Variants in TSHZ3 observed in about 807,000 individuals in gnomAD.
The protein encoded by TSHZ3 is teashirt homolog 3.
Under a neutral mutation model 64.5 loss-of-function variants are expected in TSHZ3, and 10 were observed. That is an observed-to-expected ratio of 0.16 (90% confidence interval 0.10 to 0.26). The LOEUF is 0.26. TSHZ3 is among the 10% of genes least tolerant of loss of function. The pLI, the probability that TSHZ3 is intolerant of heterozygous loss-of-function variation, is 1.00. For missense variants in TSHZ3, 1,242 were observed against 1,421.7 expected, an observed-to-expected ratio of 0.87 and a Z score of 2.03; for synonymous variants, 608 against 593.1, an observed-to-expected ratio of 1.03 and a Z score of -0.36.
chr19:31,243,452 G>A (rs1975722477), intron 1 of TSHZ3, among the ~76,000 whole-genome samples: 1 of 152,198 alleles, frequency 6.6e-6, no homozygotes, highest in Non-Finnish European at 1.5e-5. Context: ...TCACCCCTGT[G>A]TAGTCAGGGT....
In TSHZ3 at chr19:31,315,316, C is replaced by T. The variant is rs1599643594; in HGVS notation, c.40+33864G>A. Among the ~76,000 whole-genome samples the T allele has an allele frequency of 2.0e-5, 3 of 152,354 alleles. No individual in the cohort carries two copies. The East Asian group carries it at 5.8e-4, about 29-fold the overall frequency. On this transcript the variant is annotated intron_variant, in intron 1 of 1. Transcript: ENST00000240587. ...GTATTGACCTCTTATAGAGGAGATT[C>T]CCCCAGCCCCGCCCTGTCCCAAAGC...
intron 1 of TSHZ3, among the ~76,000 whole-genome samples, chr19:31,327,694 G>T (rs866095020): frequency 1.3e-5 from 2 of 152,110 alleles, no homozygotes; most frequent in African/African-American, 2.4e-5. Flanking sequence ...ATGTAACTGA[G>T]CCAGGCAGTA....
At chr19:31,189,108 T>C (rs1974861718) in intron 5 of TSHZ3, among the ~76,000 whole-genome samples, 1 of 151,928 alleles carries the variant, frequency 6.6e-6, no homozygotes, top group African/African-American at 2.4e-5. Flanking sequence ...GATTTATTTC[T>C]AGTGATCATC....
At chr19:31,216,454 CTTT>C (rs758169952) in intron 4 of TSHZ3, among the ~76,000 whole-genome samples, 5 of 137,646 alleles carry the variant, frequency 3.6e-5, no homozygotes, top group Admixed American at 7.3e-5. Flanking sequence ...CAGGAGGCAG[CTTT>C]TTTTTTTTTT....
In TSHZ3 at chr19:31,277,882, C is replaced by A; in HGVS notation, c.1911G>T (p.Pro637=). ...ATGGGGAGGGAGTGGCCCGCTTGGG[C>A]GGGGAAAGCTTCCCATCCGGCTCCT... is the stretch of plus-strand genomic sequence containing the variant. ...KMKEPDGKLS[P]PKRATPSPCS... Residue 637 remains proline, a synonymous_variant, in exon 2 of 2, where the codon CCG becomes CCT. Transcript: ENST00000240587. This position sits in a 1 kb window ranked among gnomAD's most constrained non-coding sequence, Gnocchi z 4.5. The A allele has an allele frequency of 1.2e-6, 2 of 1,610,316 alleles. No homozygotes were observed. The highest frequency in any genetic ancestry group is 8.5e-7 in the Non-Finnish European group (1 of 1,178,344).
At position 31,277,161 on chromosome 19, in the gene TSHZ3, T is replaced by C. The variant is rs1976253532; in HGVS notation, c.2632A>G (p.Thr878Ala). ...ISEKSDIDGA[T>A]LEEAEESTPA... ...GTCGACTCCTCAGCCTCCTCCAGAG[T>C]GGCCCCGTCAATGTCAGACTTCTCG... Residue 878 changes from threonine (T) to alanine (A), a missense_variant, in exon 2 of 2, where the codon ACT becomes GCT. By Grantham distance (58) the Thr-to-Ala change is moderately conservative. Around this residue, in one of 4 missense-constraint regions of TSHZ3, gnomAD observed 550 missense variants for 545.1 expected, o/e 1.01. Transcript: ENST00000240587. This position sits in a 1 kb window ranked among gnomAD's most constrained non-coding sequence, Gnocchi z 4.5. The C allele has an allele frequency of 1.2e-6, 2 of 1,613,314 alleles. No individual in the cohort carries two copies. The highest frequency in any genetic ancestry group is 1.1e-5 in the South Asian group (1 of 90,948).
At chr19:31,211,733 G>A (rs537778847) in intron 4 of TSHZ3, among the ~76,000 whole-genome samples, 5 of 152,320 alleles carry the variant, frequency 3.3e-5, no homozygotes, top group African/African-American at 1.2e-4. Context: ...GCAGTGAGGA[G>A]CGGGGAGTGT....
chr19:31,156,649 T>C (rs2145098484), intron 5 of TSHZ3, among the ~76,000 whole-genome samples: 1 of 152,336 alleles, frequency 6.6e-6, no homozygotes, highest in East Asian at 1.9e-4. Flanking sequence ...GAAATTGATT[T>C]CCTGCATTGC....
At chr19:31,169,460 G>T (rs181070363) in intron 5 of TSHZ3, among the ~76,000 whole-genome samples, 7 of 152,156 alleles carry the variant, frequency 4.6e-5, no homozygotes, top group African/African-American at 1.7e-4. Flanking sequence ...GAAGAAGGGG[G>T]AATGGAGAAT....
chr19:31,179,751 G>A (rs1171286512), intron 5 of TSHZ3, among the ~76,000 whole-genome samples: 1 of 151,510 alleles, frequency 6.6e-6, no homozygotes, highest in Non-Finnish European at 1.5e-5. Flanking sequence ...TGGTGGTGAT[G>A]GTGGTGGTGA....
intron 3 of TSHZ3, among the ~76,000 whole-genome samples, chr19:31,232,283 G>A (rs986705654): frequency 1.3e-5 from 2 of 151,950 alleles, no homozygotes; most frequent in Admixed American, 1.3e-4. Flanking sequence ...ATTGCTGGCT[G>A]AAAAAAAAGT....
intron 1 of TSHZ3, among the ~76,000 whole-genome samples, chr19:31,289,571 G>A (rs61041136): frequency 0.16 from 25,089 of 152,144 alleles, 2,931 homozygotes; most frequent in African/African-American, 0.31. Context: ...GGAAGGTAGC[G>A]GGCAGGACCA....
At chr19:31,186,895 T>A (rs1037410742) in intron 5 of TSHZ3, among the ~76,000 whole-genome samples, 4 of 151,852 alleles carry the variant, frequency 2.6e-5, no homozygotes, top group Non-Finnish European at 5.9e-5. Context: ...TTAATGGAGT[T>A]CTCTTATTCT....
At chr19:31,201,162 G>GA (rs1975080178) in intron 5 of TSHZ3, among the ~76,000 whole-genome samples, 1 of 152,180 alleles carries the variant, frequency 6.6e-6, no homozygotes, top group Admixed American at 6.6e-5. Context: ...GTAGGTAACA[G>GA]AAAATTACTC....
At chr19:31,270,876 A>T (rs1047375612), downstream of TSHZ3, among the ~76,000 whole-genome samples, 1 of 152,264 alleles carries the variant, frequency 6.6e-6, no homozygotes, top group Admixed American at 6.5e-5. Context: ...CTTAATCATC[A>T]GGAATGATTT....
chr19:31,194,126 C>A (rs1326466933), intron 5 of TSHZ3, among the ~76,000 whole-genome samples: 1 of 152,092 alleles, frequency 6.6e-6, no homozygotes, highest in Non-Finnish European at 1.5e-5. Flanking sequence ...GCGCCAAAGT[C>A]GGGAAATCTG....
At chr19:31,178,336 C>T (rs1053231593) in intron 5 of TSHZ3, among the ~76,000 whole-genome samples, 1 of 152,166 alleles carries the variant, frequency 6.6e-6, no homozygotes, top group Non-Finnish European at 1.5e-5. Flanking sequence ...TCGCACCCCT[C>T]CTTCATTCCT....
intron 1 of TSHZ3, among the ~76,000 whole-genome samples, chr19:31,288,144 TAAA>T (rs1221122707): frequency 6.6e-6 from 1 of 152,120 alleles, no homozygotes; most frequent in Non-Finnish European, 1.5e-5. Flanking sequence ...TTTTTTTATT[TAAA>T]TAATAATTTA....
chr19:31,195,874 G>T (rs1032129622), intron 5 of TSHZ3, among the ~76,000 whole-genome samples: 2 of 151,954 alleles, frequency 1.3e-5, no homozygotes, highest in African/African-American at 2.4e-5. Flanking sequence ...TAACAATGAG[G>T]ATACTTTTTG....
Sources: gnomAD v4.1 joint callset for allele counts (sites outside exome capture counted in the v4.1 genomes callset) on GRCh38, gnomAD v4.1.1 for gene constraint, gnomAD v4.1.1 regional missense constraint, Gnocchi (gnomAD v3.1) non-coding constraint, MANE v1.5 for transcripts, NCBI Gene and HGNC (gene_info 2026-07-23, HGNC 2026-07-21) for gene names.